The following AHCY variants were observed in gnomAD, a reference collection of about 807,000 sequenced individuals.
AHCY encodes adenosylhomocysteinase, also known as S-adenosyl-L-homocysteine hydrolase.
A neutral mutation model predicts 45.4 loss-of-function variants in AHCY; 24 were observed. The observed-to-expected ratio is 0.53, with a 90% CI of 0.38 to 0.74. AHCY has a LOEUF of 0.74. Ranked by LOEUF, AHCY falls within the 30% of genes least tolerant of loss-of-function variation. The pLI is 0.00. For synonymous variants in AHCY, 245 were observed against 235.1 expected (o/e 1.04, Z -0.39); for missense variants, 449 against 594.1 (o/e 0.76, Z 2.54).
chr20:34,235,905 A>AGCG, the AHCY span, among the ~76,000 whole-genome samples: 19 of 94,022 alleles, frequency 2.0e-4, 1 homozygote, highest in African/African-American at 1.2e-3. Flanking sequence ...AAGGAAAGGA[A>AGCG]GGAAGGAAGG....
At chr20:34,291,348 C>T in intron 5 of AHCY, 71 bp downstream of exon 5, 1 of 1,383,196 alleles carries the variant, frequency 7.2e-7, no homozygotes, top group Non-Finnish European at 1.0e-6. Flanking sequence ...CCTTCCTGGG[C>T]ACTCTTCTTC....
upstream of AHCY, among the ~76,000 whole-genome samples, chr20:34,304,733 G>C (rs1437015724): frequency 6.6e-6 from 1 of 150,990 alleles, no homozygotes; most frequent in Non-Finnish European, 1.5e-5. Flanking sequence ...TTGTTGCCCA[G>C]GCTGGAGTGC....
rs1568799358 is a variant in AHCY at position 34,291,424 on chromosome 20, T to C, written c.553A>G (p.Thr185Ala). Reference protein sequence around the residue: ...VPAINVNDSVTKSKFDNLYGC... With the variant: ...VPAINVNDSVAKSKFDNLYGC... The stretch of plus-strand genomic sequence containing the variant: ...GTCACTGCCCCTCGGCTCACCTTGG[T>C]GACGGAGTCATTGACATTGATGGCA... Residue 185 changes from threonine to alanine, a missense_variant, in exon 5 of 10, where the codon ACC (threonine) becomes GCC (alanine). Transcript: ENST00000217426. 6.2e-7 allele frequency: 1 copy of C among 1,613,716 alleles called. No homozygotes were observed. Among genetic ancestry groups the C allele is most frequent in the African/African-American group, 1.3e-5 (1 of 74,914 alleles).
intron 1 of AHCY, chr20:34,303,011 G>GC: frequency 1.0e-6 from 1 of 985,404 alleles, no homozygotes; most frequent in Non-Finnish European, 1.2e-6. Context: ...CCGCGCGGCG[G>GC]CCCCGGCGTC....
At chr20:34,258,700 A>ATATATATATATATACACACAAAC in the AHCY span, among the ~76,000 whole-genome samples, 1 of 77,922 alleles carries the variant, frequency 1.3e-5, no homozygotes, top group African/African-American at 4.6e-5. Context: ...TACATACTAT[A>ATATATATATATATACACACAAAC]TATATATATT....
the AHCY span, among the ~76,000 whole-genome samples, chr20:34,259,189 G>GAC: frequency 7.9e-6 from 1 of 126,068 alleles, no homozygotes; most frequent in African/African-American, 5.0e-5. Context: ...CAGCCTGGGT[G>GAC]ACAGTGAGAC....
the AHCY span, among the ~76,000 whole-genome samples, chr20:34,235,648 G>C: frequency 6.6e-6 from 1 of 151,736 alleles, no homozygotes; most frequent in Non-Finnish European, 1.5e-5. Context: ...GCTGGGCATG[G>C]TAGCGCATGC....
At chr20:34,276,580 A>G (rs143245099), downstream of AHCY, among the ~76,000 whole-genome samples, 8 of 152,248 alleles carry the variant, frequency 5.3e-5, no homozygotes, top group East Asian at 1.2e-3. Context: ...GTTGTCAGGA[A>G]AAGCCCACCA....
chr20:34,255,904 G>A, the AHCY span, among the ~76,000 whole-genome samples: 8 of 152,070 alleles, frequency 5.3e-5, no homozygotes, highest in Non-Finnish European at 1.0e-4. Flanking sequence ...CCCTTTCCCC[G>A]GGGGAGTTAG....
At chr20:34,292,631 T>C in intron 3 of AHCY, 124 bp from the exon 4 acceptor site, 1 of 1,406,194 alleles carries the variant, frequency 7.1e-7, no homozygotes, top group Non-Finnish European at 1.0e-6. Context: ...CCGGCCCCTC[T>C]GAAAACTCAG....
chr20:34,279,484 A>G (rs924800950), downstream of AHCY, among the ~76,000 whole-genome samples: 1 of 152,000 alleles, frequency 6.6e-6, no homozygotes, highest in South Asian at 2.1e-4. Flanking sequence ...CAAGTGTGCA[A>G]GATCTCAGCC....
the AHCY span, among the ~76,000 whole-genome samples, chr20:34,274,783 C>CA: frequency 1.5e-4 from 22 of 151,152 alleles, no homozygotes; most frequent in Non-Finnish European, 3.0e-4. Flanking sequence ...CCCATCTCTA[C>CA]AAAAAAAAAT....
Position 34,281,088 on chromosome 20 carries a change from C to A in AHCY, c.1245G>T (p.Gln415His). The A allele has an allele frequency of 6.2e-7, 1 of 1,614,182 alleles. No homozygotes were observed. The highest frequency in any genetic ancestry group is 8.5e-7 in the Non-Finnish European group (1 of 1,180,036). Residue 415 changes from glutamine (Q) to histidine (H), a missense_variant, in exon 10 of 10, where the codon CAG becomes CAT. Physicochemically the swap from Gln to His is conservative, Grantham distance 24 (BLOSUM62 0). Coordinates refer to ENST00000217426, the MANE Select transcript of AHCY (RefSeq NM_000687.4). ...KLTKLTEKQA[Q>H]YLGMSCDGPF... ...GGCCATCACAGGACATGCCCAGGTA[C>A]TGGGCTTGCTTCTCAGTTAGCTTGG...
the AHCY span, among the ~76,000 whole-genome samples, chr20:34,232,756 G>C: frequency 3.9e-5 from 6 of 152,288 alleles, no homozygotes; most frequent in East Asian, 1.2e-3. Context: ...GTCCACCTTT[G>C]ACAGCACCAG....
chr20:34,281,579 T>C (rs1034806549), intron 9 of AHCY: 54 of 296,898 alleles, frequency 1.8e-4, no homozygotes, highest in African/African-American at 1.1e-3. Context: ...TCCAAGTCTA[T>C]TTTACAAGTG....
At chr20:34,239,028 A>G in the AHCY span, among the ~76,000 whole-genome samples, 1 of 152,150 alleles carries the variant, frequency 6.6e-6, no homozygotes, top group East Asian at 1.9e-4. Flanking sequence ...TTCCCAGAAT[A>G]CTTTCCTGGC....
At chr20:34,289,247 C>T (rs2036288772) in intron 8 of AHCY, among the ~76,000 whole-genome samples, 1 of 152,160 alleles carries the variant, frequency 6.6e-6, no homozygotes, top group African/African-American at 2.4e-5. Flanking sequence ...AATCTCGGCT[C>T]ACTACAACCT....
At chr20:34,237,222 A>C in the AHCY span, among the ~76,000 whole-genome samples, 1 of 151,608 alleles carries the variant, frequency 6.6e-6, no homozygotes, top group African/African-American at 2.4e-5. Context: ...GTCCTTTGAG[A>C]TTCCATACAA....
rs909240834 is a variant in AHCY at position 34,301,714 on chromosome 20, A to G, written c.28+1529T>C. 3 of 707,310 alleles carry G rather than the reference A, an allele frequency of 4.2e-6. No homozygotes were observed. In the East Asian group the frequency reaches 4.0e-4, roughly 94 times the overall value. The allele number at this position is 707,310 out of a possible 1,614,324, so 43.8% of individuals were successfully genotyped here. A position where few individuals can be genotyped will look rare whatever the true frequency, so the allele number is the denominator to read the frequency against. On this transcript the variant is annotated intron_variant, in intron 1 of 9. Coordinates refer to ENST00000217426, the MANE Select transcript of AHCY (RefSeq NM_000687.4). Reference sequence around the variant, plus strand: ...CCCACTAATCTCTCCACAGTATGACAAGCCCCCATTCCAGCTCTACTATTG... The same window carrying G: ...CCCACTAATCTCTCCACAGTATGACGAGCCCCCATTCCAGCTCTACTATTG...
Sources: allele counts gnomAD v4.1 joint callset (sites outside exome capture counted in the v4.1 genomes callset), GRCh38; gene constraint gnomAD v4.1.1; transcripts MANE v1.5; gene names NCBI Gene and HGNC (gene_info 2026-07-23, HGNC 2026-07-21).